CADPS2: variants seen among roughly 807,000 people sequenced by gnomAD.
The protein encoded by CADPS2 is calcium-dependent secretion activator 2.
A neutral mutation model predicts 172.5 loss-of-function variants in CADPS2; 93 were observed. The ratio of observed to expected loss-of-function variants is 0.54; its 90% CI spans 0.46 to 0.64. The LOEUF (loss-of-function observed/expected upper bound fraction) is 0.64. Ranked by LOEUF, CADPS2 falls within the 30% of genes least tolerant of loss-of-function variation. The pLI is 0.00. For synonymous variants in CADPS2, 546 were observed against 555.2 expected (o/e 0.98, Z 0.23); for missense variants, 1,420 against 1,565.9 (o/e 0.91, Z 1.57).
intron 6 of CADPS2, among the ~76,000 whole-genome samples, chr7:122,586,666 G>C (rs1365526096): frequency 2.0e-5 from 3 of 151,904 alleles, no homozygotes. Context: ...AAAAAGGGAA[G>C]GGAGGTGGTG....
intron 14 of CADPS2, among the ~76,000 whole-genome samples, chr7:122,458,372 C>T (rs1041503255): frequency 1.3e-5 from 2 of 152,192 alleles, no homozygotes; most frequent in Middle Eastern, 3.4e-3. Context: ...ATAATACCTC[C>T]TATTGTTTGA....
intron 1 of CADPS2, among the ~76,000 whole-genome samples, chr7:122,856,324 AC>A (rs1815207975): frequency 6.6e-6 from 1 of 152,158 alleles, no homozygotes; most frequent in South Asian, 2.1e-4. Context: ...TCCCCATCCC[AC>A]CAGTGGCATC....
At chr7:122,596,576 G>A (rs1201508450) in intron 6 of CADPS2, among the ~76,000 whole-genome samples, 3 of 152,078 alleles carry the variant, frequency 2.0e-5, no homozygotes, top group Non-Finnish European at 2.9e-5. Flanking sequence ...AAAGCTTCAC[G>A]ATGACCTTCA....
At chr7:122,663,093 A>G (rs2080788436) in intron 3 of CADPS2, 144 bp downstream of exon 3, 3 of 631,964 alleles carry the variant, frequency 4.7e-6, no homozygotes, top group Middle Eastern at 4.3e-4. Flanking sequence ...AAATATCACT[A>G]TGTGATCTAT....
At chr7:122,589,757 T>C (rs766004550) in intron 6 of CADPS2, among the ~76,000 whole-genome samples, 6 of 151,904 alleles carry the variant, frequency 3.9e-5, no homozygotes, top group Non-Finnish European at 7.4e-5. Flanking sequence ...AACTGTTGTA[T>C]AAACTATGAA....
chr7:122,494,097 G>T (rs376650256), intron 9 of CADPS2, among the ~76,000 whole-genome samples: 47 of 152,242 alleles, frequency 3.1e-4, no homozygotes, highest in African/African-American at 1.1e-3. Flanking sequence ...CGATATGTGG[G>T]TGGGTCTCAT....
chr7:122,837,106 A>T (rs1260043430), intron 1 of CADPS2, among the ~76,000 whole-genome samples: 1 of 152,206 alleles, frequency 6.6e-6, no homozygotes, highest in Non-Finnish European at 1.5e-5. Flanking sequence ...ATCAAACTAG[A>T]ACTCAGGATT....
intron 11 of CADPS2, among the ~76,000 whole-genome samples, chr7:122,483,881 C>G (rs1254765195): frequency 1.3e-5 from 2 of 151,860 alleles, no homozygotes; most frequent in Non-Finnish European, 2.9e-5. Flanking sequence ...GATGAAATAC[C>G]TAGAAATAAA....
rs1275417277 is a variant in CADPS2 at position 122,319,494 on chromosome 7, G to T, written c.*671C>A. ...GCACACTTGCTACCCCACACCTGGG[G>T]ATTACTTATAGTTGAAAGAAGAAAT... On this transcript the variant is annotated 3_prime_UTR_variant, in exon 30 of 30. Coordinates refer to ENST00000449022, the MANE Select transcript of CADPS2 (RefSeq NM_017954.11). 2 of 152,160 alleles carry T rather than the reference G, an allele frequency of 1.3e-5. No homozygotes were observed. Among genetic ancestry groups the T allele is most frequent in the African/African-American group, 4.8e-5 (2 of 41,422 alleles). The allele number at this position is 152,160 out of a possible 1,614,324, so 9.4% of individuals were successfully genotyped here.
intron 17 of CADPS2, among the ~76,000 whole-genome samples, chr7:122,437,125 T>A (rs986752942): frequency 6.6e-6 from 1 of 152,142 alleles, no homozygotes; most frequent in East Asian, 1.9e-4. Context: ...ATTATTTGAA[T>A]GAGTATTTAA....
chr7:122,447,639 T>C (rs771475922), intron 15 of CADPS2, among the ~76,000 whole-genome samples: 3 of 144,486 alleles, frequency 2.1e-5, no homozygotes, highest in Non-Finnish European at 4.5e-5. Context: ...CTGCAGCCTC[T>C]GCCTCCTAGG....
chr7:122,439,522 T>C (rs1217422774), intron 16 of CADPS2: 2 of 152,188 alleles, frequency 1.3e-5, no homozygotes, highest in Non-Finnish European at 2.9e-5. Flanking sequence ...GCCTCAGCAC[T>C]AAGGATTTTA....
intron 2 of CADPS2, among the ~76,000 whole-genome samples, chr7:122,716,678 C>A (rs2136930783): frequency 6.6e-6 from 1 of 152,132 alleles, no homozygotes; most frequent in African/African-American, 2.4e-5. Flanking sequence ...TAAAGTATAA[C>A]AATTAAAAAT....
chr7:122,850,822 A>G (rs1483486209), intron 1 of CADPS2, among the ~76,000 whole-genome samples: 2 of 152,172 alleles, frequency 1.3e-5, no homozygotes, highest in Non-Finnish European at 2.9e-5. Flanking sequence ...CAGCTCCTCT[A>G]TGGCACTGGC....
intron 1 of CADPS2, among the ~76,000 whole-genome samples, chr7:122,783,203 A>C (rs1793208724): frequency 6.6e-6 from 1 of 151,786 alleles, no homozygotes; most frequent in Admixed American, 6.6e-5. Context: ...AAAAAAAAAA[A>C]AAAACAAAAA....
Position 122,808,124 on chromosome 7 carries a change from G to A in CADPS2, c.340-71056C>T, listed in dbSNP as rs535586451. Among the ~76,000 whole-genome samples, 46 of 152,118 alleles carry A rather than the reference G, an allele frequency of 3.0e-4. No individual in the cohort carries two copies. In the South Asian group the frequency reaches 5.2e-3, roughly 17 times the overall value. On this transcript the variant is annotated intron_variant, in intron 1 of 29. Transcript: ENST00000449022. Reference sequence around the variant, plus strand: ...TTTATGGAAAGCAGTATTTCAGAACGTCAAGTCTTGGTACTAGGAGTGCTC... The same window carrying A: ...TTTATGGAAAGCAGTATTTCAGAACATCAAGTCTTGGTACTAGGAGTGCTC...
chr7:122,817,884 G>A lies in CADPS2; in HGVS notation c.339+68115C>T, dbSNP rs113250672. On this transcript the variant is annotated intron_variant, in intron 1 of 29. Coordinates refer to ENST00000449022, the MANE Select transcript of CADPS2 (RefSeq NM_017954.11). Reference sequence around the variant, plus strand: ...CCATGCCCCGACCTCTTATCTCTGCGCCCCAATCCCTTATCTCTGTGCCCC... The same window carrying A: ...CCATGCCCCGACCTCTTATCTCTGCACCCCAATCCCTTATCTCTGTGCCCC... Among the ~76,000 whole-genome samples the A allele has an allele frequency of 3.8e-3, 478 of 126,296 alleles. 3 individuals are homozygous for A. Among genetic ancestry groups the A allele is most frequent in the African/African-American group, 0.013 (418 of 32,410 alleles). 82.9% of individuals were successfully genotyped at this position (126,296 alleles called of 152,430 possible). A position where few individuals can be genotyped will look rare whatever the true frequency, so the allele number is the denominator to read the frequency against.
chr7:122,837,985 AT>A (rs1044931437), intron 1 of CADPS2, among the ~76,000 whole-genome samples: 8 of 152,168 alleles, frequency 5.3e-5, no homozygotes, highest in Non-Finnish European at 8.8e-5. Context: ...AAAAAAGAGA[AT>A]TTTAGACGAA....
intron 9 of CADPS2, among the ~76,000 whole-genome samples, chr7:122,492,082 G>A (rs991866086): frequency 6.6e-6 from 1 of 152,028 alleles, no homozygotes; most frequent in Non-Finnish European, 1.5e-5. Context: ...TGAGGTAGAA[G>A]AATTGCTTGA....
Sources: allele counts gnomAD v4.1 joint callset (sites outside exome capture counted in the v4.1 genomes callset), GRCh38; gene constraint gnomAD v4.1.1; transcripts MANE v1.5; gene names NCBI Gene and HGNC (gene_info 2026-07-23, HGNC 2026-07-21).